Variants in L3MBTL2 observed in about 807,000 individuals in gnomAD.
L3MBTL2 encodes the protein lethal(3)malignant brain tumor-like protein 2.
L3MBTL2 carries 49 observed loss-of-function variants against 86.4 expected under a neutral mutation model. The observed-to-expected ratio is 0.57, with a 90% CI of 0.45 to 0.72. The LOEUF is 0.72. Among genes scored for constraint, L3MBTL2 ranks in the 30% least tolerant of loss-of-function variants. The pLI, the probability that L3MBTL2 is intolerant of heterozygous loss-of-function variation, is 0.00. For missense variants in L3MBTL2, 755 were observed against 923.7 expected (o/e 0.82, Z 2.37); for synonymous variants, 336 against 350.6 (o/e 0.96, Z 0.47).
chr22:41,208,596 G>A (rs546556800), intron 1 of L3MBTL2: 14 of 209,168 alleles, frequency 6.7e-5, no homozygotes, highest in African/African-American at 2.9e-4. Context: ...TGAATCTAGC[G>A]CTGTAGTACA....
rs1472390662 is a variant in L3MBTL2 at position 41,211,836 on chromosome 22, C to T, written c.262+1903C>T. 2.9e-5 allele frequency among the ~76,000 whole-genome samples: 4 copies of T among 137,536 alleles called. 1 individual carries two copies. In the South Asian group the frequency reaches 7.0e-4, roughly 24 times the overall value. The allele number at this position is 137,536 out of a possible 152,430, so 90.2% of individuals were successfully genotyped here. ...CCTCCAAAAATGCTGGGATTACAGG[C>T]GTGAGCCACCGCACCCGGCCTTTTT... On this transcript the variant is annotated intron_variant, in intron 2 of 16. Coordinates refer to ENST00000216237, the MANE Select transcript of L3MBTL2 (RefSeq NM_031488.5).
At chr22:41,209,235 T>TG in intron 1 of L3MBTL2, 1 of 163,026 alleles carries the variant, frequency 6.1e-6, no homozygotes. Flanking sequence ...CCCAAGTAGC[T>TG]GGACTACAGG....
chr22:41,219,687 A>G, intron 6 of L3MBTL2, 151 bp downstream of exon 6: 3 of 610,196 alleles, frequency 4.9e-6, no homozygotes, highest in Non-Finnish European at 8.9e-6. Context: ...CTTTTACCGG[A>G]GAAGGGAACA....
rs1322548755 is a variant in L3MBTL2, at chr22:41,227,948, C to T, written c.1888+79C>T. 1 of 1,561,264 alleles carries T rather than the reference C, an allele frequency of 6.4e-7. No homozygotes were observed. Reference sequence around the variant, plus strand: ...TGCGTCCCTGGGAGCAGGCGGGGGTCAGCCCCCAGGCACTGGTTCCCAGGT... The same window carrying T: ...TGCGTCCCTGGGAGCAGGCGGGGGTTAGCCCCCAGGCACTGGTTCCCAGGT... On this transcript the variant is annotated intron_variant, in intron 15 of 16. Coordinates refer to ENST00000216237, the MANE Select transcript of L3MBTL2 (RefSeq NM_031488.5). The surrounding 1 kb of genome is among the most constrained non-coding windows in gnomAD (Gnocchi z 6.0).
At chr22:41,221,412 T>C in intron 8 of L3MBTL2, 125 bp downstream of exon 8, 1 of 822,680 alleles carries the variant, frequency 1.2e-6, no homozygotes, top group Non-Finnish European at 2.0e-6. Context: ...AGCTCCACAT[T>C]TTGCAAGGCT....
Position 41,216,235 on chromosome 22 carries a change from G to T in L3MBTL2, c.493G>T (p.Ala165Ser). 1 of 1,614,114 alleles carries T rather than the reference G, an allele frequency of 6.2e-7. No individual in the cohort carries two copies. Among genetic ancestry groups the T allele is most frequent in the Non-Finnish European group, 8.5e-7 (1 of 1,179,966 alleles). ...CCACTCTCAAGGGACAGGACAGCTG[G>T]CAGATGGGACACCAACAGGACAAGA... is the stretch of plus-strand genomic sequence containing the variant. ...FLHSQGTGQL[A>S]DGTPTGQDAL... The change falls in exon 4 of 17, where the codon GCA becomes TCA. Residue 165 changes from alanine to serine, a missense_variant. Transcript: ENST00000216237.
Position 41,225,149 on chromosome 22 carries a change from C to T in L3MBTL2, c.1356+78C>T, listed in dbSNP as rs2032092637. 9.6e-6 allele frequency: 11 copies of T among 1,141,276 alleles called. No homozygotes were observed. Among genetic ancestry groups the T allele is most frequent in the Middle Eastern group, 2.8e-4 (1 of 3,630 alleles). The allele number at this position is 1,141,276 out of a possible 1,614,324, so 70.7% of individuals were successfully genotyped here. On this transcript the variant is annotated intron_variant, in intron 11 of 16. Transcript: ENST00000216237. This position sits in a 1 kb window ranked among gnomAD's most constrained non-coding sequence, Gnocchi z 4.1. Reference sequence around the variant, plus strand: ...TGTGGCCCAGAGCTCTAACCCCACTCGCCACCGTCAGGGGGTCTGTGTCCC... The same window carrying T: ...TGTGGCCCAGAGCTCTAACCCCACTTGCCACCGTCAGGGGGTCTGTGTCCC...
intron 1 of L3MBTL2, 145 bp downstream of exon 1, chr22:41,205,531 C>G: frequency 1.0e-6 from 1 of 994,780 alleles, no homozygotes; most frequent in Non-Finnish European, 1.6e-6. Flanking sequence ...GAGCCAGGGG[C>G]AGAGGCAATT....
At chr22:41,214,445 A>G (rs139456) in intron 3 of L3MBTL2, 65,447 of 157,734 alleles carry the variant, frequency 0.41, 14,389 homozygotes, top group African/African-American at 0.56. Flanking sequence ...AGTCTTGCCA[A>G]TTTTCTAAAT....
At position 41,224,198 on chromosome 22, in the gene L3MBTL2, T is replaced by A. The variant is rs1327085556; in HGVS notation, c.1121T>A (p.Leu374Gln). 5 of 1,613,932 alleles carry A rather than the reference T, an allele frequency of 3.1e-6. No individual in the cohort carries two copies. In the African/African-American group the frequency reaches 5.3e-5, roughly 17 times the overall value. Residue 374 changes from leucine (L) to glutamine (Q), a missense_variant, in exon 9 of 17, where the codon CTG (leucine) becomes CAG (glutamine). Coordinates refer to ENST00000216237, the MANE Select transcript of L3MBTL2 (RefSeq NM_031488.5). The surrounding 1 kb of genome is among the most constrained non-coding windows in gnomAD (Gnocchi z 4.9). ...DDFWCHMWSP[L>Q]IHPVGWSRRV... ...TTCTGGTGCCACATGTGGAGCCCCC[T>A]GATCCACCCAGTGGGTTGGTCACGA... is the stretch of plus-strand genomic sequence containing the variant.
At chr22:41,208,601 A>C (rs1462202786) in intron 1 of L3MBTL2, 1 of 200,692 alleles carries the variant, frequency 5.0e-6, no homozygotes, top group Admixed American at 5.6e-5. Context: ...CTAGCGCTGT[A>C]GTACACACCA....
chr22:41,207,713 A>G (rs758974191), intron 1 of L3MBTL2, among the ~76,000 whole-genome samples: 1 of 151,720 alleles, frequency 6.6e-6, no homozygotes, highest in Non-Finnish European at 1.5e-5. Flanking sequence ...TCCCTCTGTC[A>G]TCCAGGCTGG....
chr22:41,229,482 A>G (rs1443372120), intron 15 of L3MBTL2, 58 bp from the exon 16 acceptor site: 5 of 1,572,038 alleles, frequency 3.2e-6, no homozygotes, highest in African/African-American at 2.7e-5. Flanking sequence ...GACCTATCCC[A>G]TAAAGCCTTA....
At chr22:41,221,348 C>CT (rs1386060152) in intron 8 of L3MBTL2, 61 bp downstream of exon 8, 1 of 1,365,066 alleles carries the variant, frequency 7.3e-7, no homozygotes, top group South Asian at 1.2e-5. Flanking sequence ...CTGCATCCTG[C>CT]ATGCCACTCA....
intron 3 of L3MBTL2, among the ~76,000 whole-genome samples, chr22:41,215,129 G>A (rs1306159954): frequency 6.6e-6 from 1 of 152,166 alleles, no homozygotes; most frequent in Admixed American, 6.6e-5. Flanking sequence ...GAGCACCACC[G>A]ATGTTTATTA....
chr22:41,228,723 G>A (rs948803750), intron 15 of L3MBTL2, among the ~76,000 whole-genome samples: 1 of 152,142 alleles, frequency 6.6e-6, no homozygotes, highest in East Asian at 1.9e-4. Context: ...GGTGGCAGGC[G>A]CCTGTAATCC....
chr22:41,216,234 G>A lies in L3MBTL2; in HGVS notation c.492G>A (p.Leu164=). 1 of 1,614,120 alleles carries A rather than the reference G, an allele frequency of 6.2e-7. No homozygotes were observed. The highest frequency in any genetic ancestry group is 8.5e-7 in the Non-Finnish European group (1 of 1,179,988). ...AFLHSQGTGQ[L]ADGTPTGQDA... is the part of the protein sequence containing the mutation. ...TCCACTCTCAAGGGACAGGACAGCT[G>A]GCAGATGGGACACCAACAGGACAAG... Residue 164 remains leucine (L), a synonymous_variant, in exon 4 of 17, where the codon CTG becomes CTA. Coordinates refer to ENST00000216237, the MANE Select transcript of L3MBTL2 (RefSeq NM_031488.5).
At chr22:41,208,878 G>A in intron 1 of L3MBTL2, among the ~76,000 whole-genome samples, 1 of 151,582 alleles carries the variant, frequency 6.6e-6, no homozygotes, top group Admixed American at 6.6e-5. Flanking sequence ...AAGTACCTGG[G>A]ATTACAGGCA....
chr22:41,227,487 C>A lies in L3MBTL2; in HGVS notation c.1822+164C>A. On this transcript the variant is annotated intron_variant, in intron 14 of 16. Coordinates refer to ENST00000216237, the MANE Select transcript of L3MBTL2 (RefSeq NM_031488.5). This position sits in a 1 kb window ranked among gnomAD's most constrained non-coding sequence, Gnocchi z 6.0. ...CCCGTCACCCAGCCCCTGCTCCTGA[C>A]TTCTCTGTCTCCCTTTCCCTCTGGC... 7.9e-7 allele frequency: 1 copy of A among 1,268,930 alleles called. No individual in the cohort carries two copies. The allele number at this position is 1,268,930 out of a possible 1,614,324, so 78.6% of individuals were successfully genotyped here.
Sources: gnomAD v4.1 joint callset for allele counts (sites outside exome capture counted in the v4.1 genomes callset) on GRCh38, gnomAD v4.1.1 for gene constraint, Gnocchi (gnomAD v3.1) non-coding constraint, MANE v1.5 for transcripts, NCBI Gene and HGNC (gene_info 2026-07-23, HGNC 2026-07-21) for gene names.